The following HAT1 variants were observed in gnomAD, a reference collection of about 807,000 sequenced individuals.
HAT1 encodes histone acetyltransferase type B catalytic subunit.
Under a neutral mutation model 56.6 loss-of-function variants are expected in HAT1, and 20 were observed. The observed-to-expected ratio is 0.35, with a 90% CI of 0.25 to 0.51. HAT1 has a LOEUF of 0.51. Ranked by LOEUF, HAT1 falls within the 20% of genes least tolerant of loss-of-function variation. The probability of loss-of-function intolerance (pLI) is 0.95; values close to 1 mark genes in which losing one functional copy is unlikely to be tolerated. For missense variants in HAT1, 408 were observed against 504.3 expected (o/e 0.81, Z 1.83); for synonymous variants, 146 against 165.5 (o/e 0.88, Z 0.91).
chr2:171,973,948 A>G (rs1306906193), intron 8 of HAT1, among the ~76,000 whole-genome samples: 1 of 152,036 alleles, frequency 6.6e-6, no homozygotes, highest in Non-Finnish European at 1.5e-5. Context: ...GGGAGGCCAC[A>G]GCAGGTGGAT....
intron 4 of HAT1, chr2:171,964,776 C>T (rs2120355): frequency 6.6e-6 from 1 of 152,078 alleles, no homozygotes; most frequent in African/African-American, 2.4e-5. Flanking sequence ...GTGTCACATT[C>T]TAAGGATAAA....
intron 10 of HAT1, chr2:171,980,530 G>C (rs1688105814): frequency 6.6e-6 from 1 of 151,914 alleles, no homozygotes; most frequent in African/African-American, 2.4e-5. Context: ...TGTCAGGATG[G>C]ATATTGTTTA....
At position 171,970,496 on chromosome 2, in the gene HAT1, CTTTTTTTTTTTTTTTTTTTTTTTT is replaced by C. The variant is rs61462189; in HGVS notation, c.823+3565_823+3588del. ...TAAATCAGTATTAGCAATGCAGTTT[CTTTTTTTTTTTTTTTTTTTTTTTT>C]TTTTTTTTTTTTTTTTTGAGACGGA... On this transcript the variant is annotated intron_variant, in intron 8 of 10. Transcript: ENST00000264108. 4.5e-4 allele frequency among the ~76,000 whole-genome samples: 34 copies of C among 74,988 alleles called. No homozygotes were observed. The South Asian group carries it at 8.4e-3, about 19-fold the overall frequency. 49.2% of individuals were successfully genotyped at this position (74,988 alleles called of 152,430 possible).
chr2:171,951,661 AC>A (rs1211222867), intron 3 of HAT1, among the ~76,000 whole-genome samples: 1 of 136,734 alleles, frequency 7.3e-6, no homozygotes, highest in African/African-American at 3.0e-5. Context: ...TGAACTCCTG[AC>A]TTCCAGTGAT....
At chr2:171,932,960 A>C (rs566817297) in intron 2 of HAT1, among the ~76,000 whole-genome samples, 8 of 152,248 alleles carry the variant, frequency 5.3e-5, no homozygotes, top group African/African-American at 1.9e-4. Flanking sequence ...TCTCCTTACA[A>C]GTTTACCAAT....
intron 4 of HAT1, among the ~76,000 whole-genome samples, chr2:171,963,413 C>T (rs576271084): frequency 3.3e-5 from 5 of 152,124 alleles, no homozygotes; most frequent in South Asian, 2.1e-4. Flanking sequence ...TTGCTCTGCC[C>T]GCCACCAAAA....
intron 6 of HAT1, 34 bp from the exon 7 acceptor site, chr2:171,966,375 A>G: frequency 9.3e-7 from 1 of 1,079,028 alleles, no homozygotes; most frequent in Non-Finnish European, 1.4e-6. Flanking sequence ...GCGCGACTGT[A>G]ATTGACCTGC....
At chr2:171,968,337 C>A (rs932454110) in intron 8 of HAT1, among the ~76,000 whole-genome samples, 1 of 152,086 alleles carries the variant, frequency 6.6e-6, no homozygotes, top group African/African-American at 2.4e-5. Context: ...CTTGCTGCTA[C>A]ATGAAGGGAC....
intron 8 of HAT1, among the ~76,000 whole-genome samples, chr2:171,975,381 AG>A (rs1439827882): frequency 1.3e-5 from 2 of 152,178 alleles, no homozygotes; most frequent in African/African-American, 4.8e-5. Context: ...CTGGGATTAC[AG>A]GTGTGAGCCA....
In HAT1 at chr2:171,977,557, A is replaced by ATTTTTTTTTTTT. The variant is rs1172067451; in HGVS notation, c.975+1260_975+1271dup. On this transcript the variant is annotated intron_variant, in intron 9 of 10. Transcript: ENST00000264108. ...TATATATATATATATATATATATAT[A>ATTTTTTTTTTTT]TTTTTTTTTTTTTTTTTTTTTTAAT... 1.8e-4 allele frequency among the ~76,000 whole-genome samples: 3 copies of ATTTTTTTTTTTT among 16,358 alleles called. 1 individual carries two copies. Among genetic ancestry groups the ATTTTTTTTTTTT allele is most frequent in the Non-Finnish European group, 3.2e-4 (3 of 9,264 alleles). 10.7% of individuals were successfully genotyped at this position (16,358 alleles called of 152,430 possible).
At chr2:171,934,200 G>C (rs564910058) in intron 2 of HAT1, among the ~76,000 whole-genome samples, 5 of 152,136 alleles carry the variant, frequency 3.3e-5, no homozygotes, top group Non-Finnish European at 7.3e-5. Flanking sequence ...ATAGAAATGA[G>C]AATGTTTTAA....
intron 8 of HAT1, among the ~76,000 whole-genome samples, chr2:171,975,705 C>A (rs1212315536): frequency 6.6e-6 from 1 of 151,812 alleles, no homozygotes; most frequent in South Asian, 2.1e-4. Context: ...GTAGGAATAT[C>A]CCTTCTTTCA....
Position 171,979,318 on chromosome 2 carries a change from A to G in HAT1, c.1047A>G (p.Arg349=). 6.2e-7 allele frequency: 1 copy of G among 1,605,866 alleles called. No individual in the cohort carries two copies. The highest frequency in any genetic ancestry group is 8.5e-7 in the Non-Finnish European group (1 of 1,172,738). ...ACATGAGTGATGCCGAACAATACAG[A>G]AGCTACAGACTGGATATTAAAAGAA... is the stretch of plus-strand genomic sequence containing the variant. ...VTDMSDAEQY[R]SYRLDIKRRL... is the part of the protein sequence containing the mutation. The change falls in exon 10 of 11, where the codon AGA becomes AGG. Residue 349 remains arginine (R), a synonymous_variant. Coordinates refer to ENST00000264108, the MANE Select transcript of HAT1 (RefSeq NM_003642.4).
chr2:171,926,901 A>G (rs755549323), intron 2 of HAT1, among the ~76,000 whole-genome samples: 3 of 152,258 alleles, frequency 2.0e-5, no homozygotes, highest in Non-Finnish European at 4.4e-5. Context: ...TAAGAAACCC[A>G]GATATATATC....
chr2:171,952,859 A>G (rs1234218229), intron 3 of HAT1, 22 bp from the exon 4 acceptor site: 2 of 1,549,506 alleles, frequency 1.3e-6, no homozygotes, highest in Non-Finnish European at 1.8e-6. Context: ...TCATTCCATT[A>G]TTGCTATTTT....
intron 2 of HAT1, among the ~76,000 whole-genome samples, chr2:171,927,583 G>A (rs1686629182): frequency 6.6e-6 from 1 of 152,080 alleles, no homozygotes; most frequent in African/African-American, 2.4e-5. Flanking sequence ...CTTTTAGTAG[G>A]AAATGTTATT....
At chr2:171,967,617 A>G (rs1055915306) in intron 8 of HAT1, among the ~76,000 whole-genome samples, 2 of 152,158 alleles carry the variant, frequency 1.3e-5, no homozygotes, top group Non-Finnish European at 2.9e-5. Context: ...TGATCCACCA[A>G]AAAACAAAGT....
chr2:171,929,894 G>A (rs1021811375), intron 2 of HAT1, among the ~76,000 whole-genome samples: 8 of 152,044 alleles, frequency 5.3e-5, no homozygotes, highest in Non-Finnish European at 7.4e-5. Flanking sequence ...AGATTGTTTC[G>A]ATTATTCTTG....
intron 2 of HAT1, among the ~76,000 whole-genome samples, chr2:171,928,387 T>C (rs1045921533): frequency 3.9e-5 from 6 of 152,256 alleles, no homozygotes; most frequent in African/African-American, 7.2e-5. Context: ...TTCTGTGTTC[T>C]AGCACTTTAT....
Sources: allele counts gnomAD v4.1 joint callset (sites outside exome capture counted in the v4.1 genomes callset), GRCh38; gene constraint gnomAD v4.1.1; transcripts MANE v1.5; gene names NCBI Gene and HGNC (gene_info 2026-07-23, HGNC 2026-07-21).